The following PIP4K2A variants were observed in gnomAD, a reference collection of about 807,000 sequenced individuals.
PIP4K2A encodes phosphatidylinositol 5-phosphate 4-kinase type-2 alpha.
Under a neutral mutation model 42.9 loss-of-function variants are expected in PIP4K2A, and 14 were observed. The ratio of observed to expected loss-of-function variants is 0.33; its 90% CI spans 0.22 to 0.51. The LOEUF (loss-of-function observed/expected upper bound fraction) is 0.51, where lower values mean the gene tolerates loss of function less well. PIP4K2A is among the 20% of genes least tolerant of loss of function. PIP4K2A has a pLI of 0.97. For synonymous variants in PIP4K2A, 192 were observed against 192.2 expected (o/e 1.00, Z 0.01); for missense variants, 434 against 519.8 (o/e 0.83, Z 1.61).
At chr10:22,682,066 G>C (rs1038144366) in intron 1 of PIP4K2A, among the ~76,000 whole-genome samples, 3 of 151,948 alleles carry the variant, frequency 2.0e-5, no homozygotes, top group Non-Finnish European at 4.4e-5. Context: ...CAGCGGGCCA[G>C]ATCTGGCCCA....
Position 22,644,998 on chromosome 10 carries a change from C to T in PIP4K2A, c.145-35281G>A, listed in dbSNP as rs142152743. Among the ~76,000 whole-genome samples the T allele has an allele frequency of 2.9e-3, 442 of 152,288 alleles. 5 individuals carry two copies. The highest frequency in any genetic ancestry group is 0.01 in the African/African-American group (429 of 41,564). On this transcript the variant is annotated intron_variant, in intron 1 of 9. Coordinates refer to ENST00000376573, the MANE Select transcript of PIP4K2A (RefSeq NM_005028.5). ...CAAGACAGTTTTCTAAGACTTACTG[C>T]CTACCCCCTTCCCCCTATGCTGGGG...
At chr10:22,633,680 C>T (rs1838602481) in intron 1 of PIP4K2A, among the ~76,000 whole-genome samples, 1 of 152,100 alleles carries the variant, frequency 6.6e-6, no homozygotes, top group Non-Finnish European at 1.5e-5. Context: ...CATTCCTTCT[C>T]GCCACACCCA....
chr10:22,680,511 T>C (rs1470195893), intron 1 of PIP4K2A, among the ~76,000 whole-genome samples: 1 of 152,210 alleles, frequency 6.6e-6, no homozygotes, highest in African/African-American at 2.4e-5. Context: ...CTACATTCTT[T>C]ACTAACATCC....
At chr10:22,557,854 T>C (rs933799751) in intron 6 of PIP4K2A, among the ~76,000 whole-genome samples, 1 of 152,214 alleles carries the variant, frequency 6.6e-6, no homozygotes, top group African/African-American at 2.4e-5. Flanking sequence ...CTTTATAATA[T>C]AGAGCCAAGT....
chr10:22,707,509 C>T (rs1048602468), intron 1 of PIP4K2A, among the ~76,000 whole-genome samples: 49 of 152,184 alleles, frequency 3.2e-4, no homozygotes, highest in African/African-American at 1.2e-3. Flanking sequence ...AAGGGAAAAA[C>T]TGGTTTTCAA....
intron 4 of PIP4K2A, 146 bp downstream of exon 4, chr10:22,591,483 T>C: frequency 3.5e-6 from 2 of 568,290 alleles, no homozygotes; most frequent in Non-Finnish European, 5.8e-6. Flanking sequence ...GCCACTGTAA[T>C]TTTAGAACAC....
At position 22,652,150 on chromosome 10, in the gene PIP4K2A, C is replaced by A. The variant is rs556050594; in HGVS notation, c.145-42433G>T. ...TTTTTTTTTTTGAGACAGACTCTTA[C>A]TCTGTCACCCAGGCTGGAGTGCAGC... On this transcript the variant is annotated intron_variant, in intron 1 of 9. Coordinates refer to ENST00000376573, the MANE Select transcript of PIP4K2A (RefSeq NM_005028.5). 3.3e-5 allele frequency among the ~76,000 whole-genome samples: 5 copies of A among 151,514 alleles called. No individual in the cohort carries two copies. In the East Asian group the frequency reaches 9.7e-4, roughly 29 times the overall value.
At chr10:22,598,233 C>T (rs12360495) in intron 3 of PIP4K2A, among the ~76,000 whole-genome samples, 26,487 of 152,006 alleles carry the variant, frequency 0.17, 2,909 homozygotes, top group Non-Finnish European at 0.25. Flanking sequence ...TGGTGCGTGC[C>T]TGTAGTTCTA....
At chr10:22,635,419 T>C (rs1257880689) in intron 1 of PIP4K2A, among the ~76,000 whole-genome samples, 3 of 151,512 alleles carry the variant, frequency 2.0e-5, no homozygotes, top group Non-Finnish European at 4.4e-5. Context: ...TGTAAAAAAA[T>C]AATGTCCATT....
At chr10:22,653,389 C>T (rs1379025995) in intron 1 of PIP4K2A, among the ~76,000 whole-genome samples, 1 of 152,138 alleles carries the variant, frequency 6.6e-6, no homozygotes, top group African/African-American at 2.4e-5. Flanking sequence ...GACCCTGGGC[C>T]ACTTACTCTA....
chr10:22,546,919 A>G (rs1275481204), intron 7 of PIP4K2A, among the ~76,000 whole-genome samples: 1 of 152,206 alleles, frequency 6.6e-6, no homozygotes, highest in Non-Finnish European at 1.5e-5. Context: ...CAAAGTGTGA[A>G]GATTTTTCAG....
intron 1 of PIP4K2A, among the ~76,000 whole-genome samples, chr10:22,680,802 C>A (rs1277207377): frequency 6.6e-6 from 1 of 152,156 alleles, no homozygotes; most frequent in Non-Finnish European, 1.5e-5. Context: ...GACATGCCAT[C>A]CCAAAATATG....
intron 7 of PIP4K2A, among the ~76,000 whole-genome samples, chr10:22,547,989 T>C (rs921226560): frequency 6.6e-6 from 1 of 152,220 alleles, no homozygotes; most frequent in Non-Finnish European, 1.5e-5. Flanking sequence ...TCAGATCTCC[T>C]ACTCGAGGCA....
intron 6 of PIP4K2A, among the ~76,000 whole-genome samples, chr10:22,562,630 A>G (rs1306937684): frequency 1.3e-5 from 2 of 152,216 alleles, no homozygotes. Context: ...AGAGTCTACA[A>G]AACACTGCTG....
intron 1 of PIP4K2A, among the ~76,000 whole-genome samples, chr10:22,633,693 G>A (rs751582579): frequency 2.4e-4 from 37 of 152,192 alleles, no homozygotes; most frequent in Admixed American, 1.7e-3. Flanking sequence ...CACACCCAGA[G>A]CTGTCTGCAA....
At position 22,564,790 on chromosome 10, in the gene PIP4K2A, C is replaced by T. The variant is rs574616992; in HGVS notation, c.678+3061G>A. On this transcript the variant is annotated intron_variant, in intron 6 of 9. Coordinates refer to ENST00000376573, the MANE Select transcript of PIP4K2A (RefSeq NM_005028.5). ...GCCTCCACCATTTTCTTCTCTCCTC[C>T]TTACCTGCTGCAATCTGGCTTTGGT... is the stretch of plus-strand genomic sequence containing the variant. Among the ~76,000 whole-genome samples the T allele has an allele frequency of 5.3e-5, 8 of 152,352 alleles. No homozygotes were observed. In the South Asian group the frequency reaches 1.2e-3, roughly 24 times the overall value.
chr10:22,679,140 AAACT>A (rs762489366), intron 1 of PIP4K2A, among the ~76,000 whole-genome samples: 10 of 152,220 alleles, frequency 6.6e-5, no homozygotes, highest in Non-Finnish European at 1.5e-4. Context: ...AGTGAAAAGA[AAACT>A]AATAAAATGA....
At chr10:22,579,783 C>A (rs556991243) in intron 4 of PIP4K2A, among the ~76,000 whole-genome samples, 1 of 149,304 alleles carries the variant, frequency 6.7e-6, no homozygotes, top group South Asian at 2.1e-4. Flanking sequence ...GTGGCAGGTG[C>A]CTGTAGTCCC....
intron 3 of PIP4K2A, among the ~76,000 whole-genome samples, chr10:22,602,111 G>A (rs1221625284): frequency 6.6e-6 from 1 of 152,118 alleles, no homozygotes; most frequent in Non-Finnish European, 1.5e-5. Context: ...TACAGACCTC[G>A]GGTGGGTGCA....
Sources: allele counts gnomAD v4.1 joint callset (sites outside exome capture counted in the v4.1 genomes callset), GRCh38; gene constraint gnomAD v4.1.1; transcripts MANE v1.5; gene names NCBI Gene and HGNC (gene_info 2026-07-23, HGNC 2026-07-21).